Variants in SKA3 observed in about 807,000 individuals in gnomAD.
SKA3 encodes the protein spindle and kinetochore-associated protein 3.
SKA3 carries 39 observed loss-of-function variants against 44.2 expected under a neutral mutation model. The ratio of observed to expected loss-of-function variants is 0.88; its 90% CI spans 0.68 to 1.15. The LOEUF (loss-of-function observed/expected upper bound fraction) is 1.15. Among genes scored for constraint, SKA3 ranks in the 50% most tolerant of loss-of-function variants. SKA3 has a pLI of 0.00. For missense variants in SKA3, 511 were observed against 485.8 expected (o/e 1.05, Z -0.49); for synonymous variants, 192 against 172.0 (o/e 1.12, Z -0.91).
At chr13:21,169,405 T>C (rs1175360546) in intron 3 of SKA3, among the ~76,000 whole-genome samples, 1 of 151,800 alleles carries the variant, frequency 6.6e-6, no homozygotes, top group African/African-American at 2.4e-5. Context: ...TTCACCATGT[T>C]GCCTAGACAG....
intron 3 of SKA3, among the ~76,000 whole-genome samples, chr13:21,169,981 T>C (rs545243207): frequency 1.3e-5 from 2 of 152,292 alleles, no homozygotes; most frequent in African/African-American, 4.8e-5. Flanking sequence ...GAATCAACTG[T>C]GTTCCAGATT....
rs775366948 is a variant in SKA3, at chr13:21,168,156, G to A, written c.575C>T (p.Pro192Leu). Residue 192 changes from proline to leucine, a missense_variant, in exon 4 of 9, where the codon CCT (proline) becomes CTT (leucine). Transcript: ENST00000314759. ...TACTTTTACTAGTGATTGTTTGGTA[G>A]GTGGGGTTACAATTACGGGCTCTTC... ...YKEEPVIVTP[P>L]TKQSLVKVLK... is the part of the protein sequence containing the mutation. 1 of 1,614,024 alleles carries A rather than the reference G, an allele frequency of 6.2e-7. No homozygotes were observed. Among genetic ancestry groups the A allele is most frequent in the South Asian group, 1.1e-5 (1 of 91,086 alleles).
At position 21,154,932 on chromosome 13, in the gene SKA3, A is replaced by G; in HGVS notation, c.*218T>C. ...ATCAATGAAACACTAATAATCCTTA[A>G]AGAGTGAATGACTGGGCTACATGTC... On this transcript the variant is annotated 3_prime_UTR_variant, in exon 9 of 9. Transcript: ENST00000314759. 1 of 731,204 alleles carries G rather than the reference A, an allele frequency of 1.4e-6. No homozygotes were observed. The highest frequency in any genetic ancestry group is 2.8e-5 in the Admixed American group (1 of 35,420). The allele number at this position is 731,204 out of a possible 1,614,324, so 45.3% of individuals were successfully genotyped here. A position where few individuals can be genotyped will look rare whatever the true frequency, so the allele number is the denominator to read the frequency against.
intron 3 of SKA3, among the ~76,000 whole-genome samples, chr13:21,171,292 CT>C (rs1198607451): frequency 6.6e-6 from 1 of 152,128 alleles, no homozygotes; most frequent in African/African-American, 2.4e-5. Flanking sequence ...AATGAAGACA[CT>C]GGGCCAGGCG....
intron 3 of SKA3, among the ~76,000 whole-genome samples, chr13:21,168,942 T>C (rs1870886151): frequency 6.6e-6 from 1 of 152,196 alleles, no homozygotes; most frequent in African/African-American, 2.4e-5. Flanking sequence ...TGTTATAAGA[T>C]GAAAAATTAA....
In SKA3 at chr13:21,176,521, C is replaced by T; in HGVS notation, c.-44G>A. Reference sequence around the variant, plus strand: ...GGACTCCAGGCGTACGCAGACCCCACCGCTCAGCTCACAGCCTCCCGCCAC... The same window carrying T: ...GGACTCCAGGCGTACGCAGACCCCATCGCTCAGCTCACAGCCTCCCGCCAC... On this transcript the variant is annotated 5_prime_UTR_variant, in exon 1 of 9. In the 5' UTR this introduces an upstream ATG that the reference lacks. Transcript: ENST00000314759. 1 of 1,375,608 alleles carries T rather than the reference C, an allele frequency of 7.3e-7. No homozygotes were observed. The highest frequency in any genetic ancestry group is 9.6e-7 in the Non-Finnish European group (1 of 1,036,476). The allele number at this position is 1,375,608 out of a possible 1,614,324, so 85.2% of individuals were successfully genotyped here. A position where few individuals can be genotyped will look rare whatever the true frequency, so the allele number is the denominator to read the frequency against.
At chr13:21,174,678 T>G (rs547109313) in intron 1 of SKA3, among the ~76,000 whole-genome samples, 2 of 152,132 alleles carry the variant, frequency 1.3e-5, no homozygotes, top group African/African-American at 4.8e-5. Flanking sequence ...CATGTATACA[T>G]ATGTAAGAAA....
chr13:21,172,525 A>G (rs1354022445), intron 2 of SKA3, 21 bp from the exon 3 acceptor site: 1 of 1,172,986 alleles, frequency 8.5e-7, no homozygotes, highest in African/African-American at 1.5e-5. Flanking sequence ...TAAAGAAAGT[A>G]CATTTTAATT....
intron 1 of SKA3, 98 bp downstream of exon 1, chr13:21,176,277 G>A (rs1871514886): frequency 3.2e-6 from 3 of 952,022 alleles, no homozygotes; most frequent in Non-Finnish European, 4.3e-6. Flanking sequence ...CACGCCGTCA[G>A]TGCCTGGCGG....
chr13:21,159,980 T>C lies in SKA3; in HGVS notation c.837A>G (p.Glu279=). Residue 279 remains glutamate (E), a synonymous_variant, in exon 6 of 9, where the codon GAA becomes GAG. Coordinates refer to ENST00000314759, the MANE Select transcript of SKA3 (RefSeq NM_145061.6). ...IIQQLEKSDA[E]YTNSPLVPTF... ...TAGGTACCAAAGGAGAGTTGGTATA[T>C]TCGGCATCTAAAAGACACATAAAAT... 3 of 1,602,080 alleles carry C rather than the reference T, an allele frequency of 1.9e-6. No individual in the cohort carries two copies. Among genetic ancestry groups the C allele is most frequent in the African/African-American group, 1.3e-5 (1 of 74,126 alleles).
In SKA3 at chr13:21,154,920, T is replaced by C. The variant is rs1173231048; in HGVS notation, c.*230A>G. On this transcript the variant is annotated 3_prime_UTR_variant, in exon 9 of 9. Coordinates refer to ENST00000314759, the MANE Select transcript of SKA3 (RefSeq NM_145061.6). ...GGGTAATTTAGTATCAATGAAACACTAATAATCCTTAAAGAGTGAATGACT... is the reference window on the plus strand; with the variant it reads ...GGGTAATTTAGTATCAATGAAACACCAATAATCCTTAAAGAGTGAATGACT... 1.5e-6 allele frequency: 1 copy of C among 676,242 alleles called. No individual in the cohort carries two copies. The highest frequency in any genetic ancestry group is 2.5e-6 in the Non-Finnish European group (1 of 402,010). 41.9% of individuals were successfully genotyped at this position (676,242 alleles called of 1,614,324 possible).
chr13:21,162,042 T>C (rs1364650355), intron 4 of SKA3, among the ~76,000 whole-genome samples, 167 bp from the exon 5 acceptor site: 1 of 152,176 alleles, frequency 6.6e-6, no homozygotes, highest in Non-Finnish European at 1.5e-5. Context: ...TATATATCCA[T>C]GGTACAAAAA....
rs1035348790 is a variant in SKA3, at chr13:21,171,533, C to T, written c.331+806G>A. ...TAGAGCTTGCAGTGAGCCGAGATCG[C>T]GCCACTGCACGACTGAGCGAGACTC... On this transcript the variant is annotated intron_variant, in intron 3 of 8. Coordinates refer to ENST00000314759, the MANE Select transcript of SKA3 (RefSeq NM_145061.6). Among the ~76,000 whole-genome samples the T allele has an allele frequency of 3.6e-4, 54 of 150,162 alleles. 1 individual carries two copies. Among genetic ancestry groups the T allele is most frequent in the African/African-American group, 1.2e-3 (47 of 40,684 alleles).
intron 1 of SKA3, among the ~76,000 whole-genome samples, chr13:21,175,593 G>C (rs1871455091): frequency 6.6e-6 from 1 of 152,172 alleles, no homozygotes; most frequent in African/African-American, 2.4e-5. Flanking sequence ...ACATTTTCAA[G>C]TGACTGGAGA....
At chr13:21,176,291 C>G in intron 1 of SKA3, 84 bp downstream of exon 1, 1 of 1,205,280 alleles carries the variant, frequency 8.3e-7, no homozygotes, top group Non-Finnish European at 1.1e-6. Flanking sequence ...CTGGCGGTTC[C>G]CGTGGGACAT....
chr13:21,172,858 A>G (rs1453860039), intron 1 of SKA3, 177 bp from the exon 2 acceptor site: 2 of 514,906 alleles, frequency 3.9e-6, no homozygotes, highest in African/African-American at 1.9e-5. Context: ...ATGTTTAGAT[A>G]CACAAATACT....
At chr13:21,155,204 G>A (rs1421488251) in intron 8 of SKA3, 54 bp from the exon 9 acceptor site, 11 of 1,290,828 alleles carry the variant, frequency 8.5e-6, no homozygotes, top group Non-Finnish European at 1.0e-5. Context: ...AAGCCATTAA[G>A]ACAAATGACA....
At chr13:21,160,836 T>C (rs1389801755) in intron 5 of SKA3, among the ~76,000 whole-genome samples, 1 of 152,210 alleles carries the variant, frequency 6.6e-6, no homozygotes, top group Admixed American at 6.5e-5. Context: ...ATGGCTCATA[T>C]ATACAGTAGA....
At chr13:21,171,564 C>CAA (rs1248616104) in intron 3 of SKA3, among the ~76,000 whole-genome samples, 6 of 112,746 alleles carry the variant, frequency 5.3e-5, no homozygotes, top group African/African-American at 9.7e-5. Flanking sequence ...GACTCCATCT[C>CAA]AAAAAAAAAA....
Sources: gnomAD v4.1 joint callset for allele counts (sites outside exome capture counted in the v4.1 genomes callset) on GRCh38, gnomAD v4.1.1 for gene constraint, MANE v1.5 for transcripts, NCBI Gene and HGNC (gene_info 2026-07-23, HGNC 2026-07-21) for gene names.